KDM1B: variants seen among roughly 807,000 people sequenced by gnomAD.
KDM1B encodes lysine-specific histone demethylase 2.
Under a neutral mutation model 107.4 loss-of-function variants are expected in KDM1B, and 63 were observed. That is an observed-to-expected ratio of 0.59 (90% confidence interval 0.48 to 0.72). The LOEUF (loss-of-function observed/expected upper bound fraction) is 0.72. KDM1B is among the 30% of genes least tolerant of loss of function. KDM1B has a pLI of 0.00. For missense variants in KDM1B, 749 were observed against 1,020.8 expected (o/e 0.73, Z 3.63); for synonymous variants, 363 against 363.9 (o/e 1.00, Z 0.03).
chr6:18,205,106 ATGT>A lies in KDM1B; in HGVS notation c.1532-427_1532-425del, dbSNP rs1241866323. Among the ~76,000 whole-genome samples the A allele has an allele frequency of 6.6e-6, 1 of 152,084 alleles. No homozygotes were observed. The highest frequency in any genetic ancestry group is 1.5e-5 in the Non-Finnish European group (1 of 68,022). On this transcript the variant is annotated intron_variant, in intron 14 of 21. Transcript: ENST00000650836. This position sits in a 1 kb window ranked among gnomAD's most constrained non-coding sequence, Gnocchi z 5.7. ...TTACAGGTCTCTTAGTTGAGGTGAG[ATGT>A]TGTAAGCATTGACTTTAAGGTGATG...
intron 10 of KDM1B, among the ~76,000 whole-genome samples, chr6:18,195,219 C>T (rs1352767715): frequency 2.0e-5 from 3 of 152,146 alleles, no homozygotes; most frequent in Non-Finnish European, 4.4e-5. Context: ...CACCTTTTCC[C>T]TATTTGAATA....
chr6:18,159,813 A>G lies in KDM1B; in HGVS notation c.-13-70A>G, dbSNP rs1784852202. On this transcript the variant is annotated intron_variant, in intron 2 of 21. Transcript: ENST00000650836. The surrounding 1 kb of genome is among the most constrained non-coding windows in gnomAD (Gnocchi z 4.5). ...ACATTCTTACCTACCAAAGTGTATA[A>G]TAACTTGCTCCAGACTGTTAAAAAT... 2 of 777,864 alleles carry G rather than the reference A, an allele frequency of 2.6e-6. No homozygotes were observed. Among genetic ancestry groups the G allele is most frequent in the Non-Finnish European group, 4.4e-6 (2 of 456,698 alleles). 48.2% of individuals were successfully genotyped at this position (777,864 alleles called of 1,614,324 possible). A position where few individuals can be genotyped will look rare whatever the true frequency, so the allele number is the denominator to read the frequency against.
In KDM1B at chr6:18,162,936, A is replaced by G. The variant is rs758344827; in HGVS notation, c.305+12A>G. On this transcript the variant is annotated intron_variant, in intron 5 of 21. Transcript: ENST00000650836. The surrounding 1 kb of genome is among the most constrained non-coding windows in gnomAD (Gnocchi z 4.1). The stretch of plus-strand genomic sequence containing the variant: ...CATTACTACAGAAGGTATGTTCACT[A>G]ATTGTGTGAGGTTTCCCTGGAGAAG... 7.1e-6 allele frequency: 11 copies of G among 1,544,956 alleles called. No homozygotes were observed. In the East Asian group the frequency reaches 9.0e-5, roughly 13 times the overall value.
At position 18,203,864 on chromosome 6, in the gene KDM1B, AAAAAAAT is replaced by A; in HGVS notation, c.1532-1672_1532-1666del. 6.6e-6 allele frequency among the ~76,000 whole-genome samples: 1 copy of A among 151,978 alleles called. No individual in the cohort carries two copies. Reference sequence around the variant, plus strand: ...GAAACTCCGTCTCCAAAAAAAAAAAAAAAAAATCACATTGAGGCCTCTCTCAGTCTGT... The same window carrying A: ...GAAACTCCGTCTCCAAAAAAAAAAAACACATTGAGGCCTCTCTCAGTCTGT... On this transcript the variant is annotated intron_variant, in intron 14 of 21. Transcript: ENST00000650836. The surrounding 1 kb of genome is among the most constrained non-coding windows in gnomAD (Gnocchi z 5.5).
At chr6:18,175,221 C>T (rs1012332059) in intron 7 of KDM1B, among the ~76,000 whole-genome samples, 15 of 152,272 alleles carry the variant, frequency 9.9e-5, no homozygotes, top group Admixed American at 7.2e-4. Context: ...TTTCGACTTG[C>T]GTTTCCCCAA....
intron 5 of KDM1B, among the ~76,000 whole-genome samples, chr6:18,164,926 G>A (rs899559876): frequency 3.3e-5 from 5 of 152,124 alleles, no homozygotes; most frequent in African/African-American, 1.2e-4. Context: ...GATTACAGGT[G>A]TGAGGCTCCA....
intron 9 of KDM1B, among the ~76,000 whole-genome samples, chr6:18,188,549 G>C (rs1376550475): frequency 6.6e-6 from 1 of 152,138 alleles, no homozygotes; most frequent in African/African-American, 2.4e-5. Context: ...GGTGATCCCA[G>C]CGAAATCACC....
At chr6:18,165,255 C>A (rs1298324682) in intron 5 of KDM1B, among the ~76,000 whole-genome samples, 1 of 150,478 alleles carries the variant, frequency 6.6e-6, no homozygotes, top group Non-Finnish European at 1.5e-5. Flanking sequence ...CTCAGCCTCC[C>A]AAGTAGCTGG....
At chr6:18,173,202 T>C (rs914088045) in intron 7 of KDM1B, among the ~76,000 whole-genome samples, 3 of 152,120 alleles carry the variant, frequency 2.0e-5, no homozygotes, top group African/African-American at 7.2e-5. Flanking sequence ...CATTTTGTAG[T>C]GTTATTCTTT....
Position 18,217,783 on chromosome 6 carries a change from A to G in KDM1B, c.2283A>G (p.Pro761=), listed in dbSNP as rs1218223477. ...KYFVTRWSTD[P]WIQMAYSFVK... is the part of the protein sequence containing the mutation. Reference sequence around the variant, plus strand: ...TTGTCACTCGGTGGAGCACAGACCCATGGATCCAGATGGCATACAGTTTTG... The same window carrying G: ...TTGTCACTCGGTGGAGCACAGACCCGTGGATCCAGATGGCATACAGTTTTG... Residue 761 remains proline (P), a synonymous_variant, in exon 21 of 22, where the codon CCA becomes CCG. Coordinates refer to ENST00000650836, the MANE Select transcript of KDM1B (RefSeq NM_001364614.2). 3.7e-6 allele frequency: 6 copies of G among 1,613,694 alleles called. No homozygotes were observed. The South Asian group carries it at 4.4e-5, about 12-fold the overall frequency.
At chr6:18,198,892 G>A (rs2150967075) in intron 12 of KDM1B, among the ~76,000 whole-genome samples, 1 of 150,638 alleles carries the variant, frequency 6.6e-6, no homozygotes, top group South Asian at 2.1e-4. Flanking sequence ...AATGGGCTGG[G>A]CACAGTGGCT....
At position 18,221,945 on chromosome 6, in the gene KDM1B, G is replaced by A; in HGVS notation, c.2422G>A (p.Ala808Thr). The A allele has an allele frequency of 6.2e-7, 1 of 1,613,422 alleles. No homozygotes were observed. The highest frequency in any genetic ancestry group is 8.5e-7 in the Non-Finnish European group (1 of 1,179,572). ...NRHFPQTVTG[A>T]YLSGVREASK... The stretch of plus-strand genomic sequence containing the variant: ...GCATTTCCCACAAACTGTTACAGGG[G>A]CATATTTGAGTGGCGTTCGAGAAGC... The change falls in exon 22 of 22, where the codon GCA becomes ACA. Residue 808 changes from alanine to threonine, a missense_variant. Ala to Thr is a moderately conservative substitution (Grantham distance 58). Coordinates refer to ENST00000650836, the MANE Select transcript of KDM1B (RefSeq NM_001364614.2).
rs1787267015 is a variant in KDM1B, at chr6:18,191,256, C to G, written c.844C>G (p.Leu282Val). 1 of 1,550,526 alleles carries G rather than the reference C, an allele frequency of 6.4e-7. No individual in the cohort carries two copies. The highest frequency in any genetic ancestry group is 8.7e-7 in the Non-Finnish European group (1 of 1,147,016). The change falls in exon 10 of 22, where the codon CTC becomes GTC. Residue 282 changes from leucine to valine, a missense_variant. Coordinates refer to ENST00000650836, the MANE Select transcript of KDM1B (RefSeq NM_001364614.2). This position sits in a 1 kb window ranked among gnomAD's most constrained non-coding sequence, Gnocchi z 5.1. Reference sequence around the variant, plus strand: ...CCAGCCCAATGAGTGTGGCAAAGCCCTCTGTGTGAGGCCGGATGTGATGGA... The same window carrying G: ...CCAGCCCAATGAGTGTGGCAAAGCCGTCTGTGTGAGGCCGGATGTGATGGA... ...FYQPNECGKA[L>V]CVRPDVMELD... is the part of the protein sequence containing the mutation.
intron 6 of KDM1B, among the ~76,000 whole-genome samples, chr6:18,168,111 T>TA (rs532939326): frequency 1.2e-3 from 176 of 152,334 alleles, no homozygotes; most frequent in Admixed American, 2.2e-3. Flanking sequence ...TGTGCACGCT[T>TA]AAAGATTTTT....
At position 18,186,625 on chromosome 6, in the gene KDM1B, A is replaced by G. The variant is rs369174943; in HGVS notation, c.573+815A>G. Among the ~76,000 whole-genome samples the G allele has an allele frequency of 9.2e-5, 14 of 152,270 alleles. No individual in the cohort carries two copies. The East Asian group carries it at 2.5e-3, about 27-fold the overall frequency. On this transcript the variant is annotated intron_variant, in intron 8 of 21. Coordinates refer to ENST00000650836, the MANE Select transcript of KDM1B (RefSeq NM_001364614.2). This position sits in a 1 kb window ranked among gnomAD's most constrained non-coding sequence, Gnocchi z 5.6. ...GCTGCTTGCTATAAAGAACTGCCTG[A>G]GACTAGGTAATTTATGAAGGAAAGA...
At chr6:18,170,417 A>G (rs1324151394) in intron 6 of KDM1B, among the ~76,000 whole-genome samples, 3 of 152,142 alleles carry the variant, frequency 2.0e-5, no homozygotes, top group African/African-American at 4.8e-5. Context: ...CCAACGCAGC[A>G]TACCACATTG....
intron 17 of KDM1B, among the ~76,000 whole-genome samples, chr6:18,208,603 G>GTGTGTGTATATATATATATATATATATA (rs1359166965): frequency 6.3e-4 from 22 of 34,916 alleles, no homozygotes; most frequent in East Asian, 4.2e-3. Flanking sequence ...GTATGTGTAT[G>GTGTGTGTATATATATATATATATATATA]TATATATATA....
At chr6:18,165,516 CTACA>C (rs1423263638) in intron 5 of KDM1B, among the ~76,000 whole-genome samples, 1 of 152,018 alleles carries the variant, frequency 6.6e-6, no homozygotes, top group Non-Finnish European at 1.5e-5. Flanking sequence ...CTAGGATTTA[CTACA>C]TACATTAAAA....
At chr6:18,175,290 G>T (rs927780403) in intron 7 of KDM1B, among the ~76,000 whole-genome samples, 1 of 152,132 alleles carries the variant, frequency 6.6e-6, no homozygotes, top group Non-Finnish European at 1.5e-5. Flanking sequence ...TATCTACTTT[G>T]AGAATTGTCT....
Sources: allele counts gnomAD v4.1 joint callset (sites outside exome capture counted in the v4.1 genomes callset), GRCh38; gene constraint gnomAD v4.1.1; non-coding constraint Gnocchi (gnomAD v3.1); transcripts MANE v1.5; gene names NCBI Gene and HGNC (gene_info 2026-07-23, HGNC 2026-07-21).